The following ATXN7L1 variants were observed in gnomAD, a reference collection of about 807,000 sequenced individuals.
The protein encoded by ATXN7L1 is ataxin-7-like protein 1.
ATXN7L1 carries 15 observed loss-of-function variants against 70.8 expected under a neutral mutation model. The ratio of observed to expected loss-of-function variants is 0.21; its 90% CI spans 0.14 to 0.33. ATXN7L1 has a LOEUF of 0.33. Among genes scored for constraint, ATXN7L1 ranks in the 10% least tolerant of loss-of-function variants. ATXN7L1 has a pLI of 1.00. For synonymous variants in ATXN7L1, 440 were observed against 445.1 expected (o/e 0.99, Z 0.14); for missense variants, 975 against 1,097.1 (o/e 0.89, Z 1.57).
intron 2 of ATXN7L1, among the ~76,000 whole-genome samples, chr7:105,792,904 C>A (rs969485108): frequency 3.3e-5 from 5 of 152,124 alleles, no homozygotes; most frequent in African/African-American, 1.2e-4. Context: ...TAATATATAT[C>A]TCTCCAGATT....
chr7:105,776,061 C>T (rs558058682), intron 3 of ATXN7L1, among the ~76,000 whole-genome samples: 3 of 152,090 alleles, frequency 2.0e-5, no homozygotes, highest in Non-Finnish European at 2.9e-5. Flanking sequence ...GGGAGAATTC[C>T]GAGATGACCT....
chr7:105,751,253 A>G (rs1034252709), intron 3 of ATXN7L1, among the ~76,000 whole-genome samples: 1 of 152,048 alleles, frequency 6.6e-6, no homozygotes, highest in South Asian at 2.1e-4. Flanking sequence ...AAAACTCTCA[A>G]TGGAGTTATG....
intron 2 of ATXN7L1, among the ~76,000 whole-genome samples, chr7:105,832,658 C>A (rs1811783070): frequency 6.6e-6 from 1 of 152,202 alleles, no homozygotes; most frequent in Admixed American, 6.5e-5. Context: ...GCCTGCCTGA[C>A]TTCTCCACGG....
chr7:105,724,320 T>C (rs1193141659), intron 3 of ATXN7L1, among the ~76,000 whole-genome samples: 1 of 152,134 alleles, frequency 6.6e-6, no homozygotes, highest in African/African-American at 2.4e-5. Flanking sequence ...ACACCTGTAA[T>C]CCTAGCACTT....
At chr7:105,615,052 T>A (rs2115743312) in intron 9 of ATXN7L1, among the ~76,000 whole-genome samples, 1 of 152,202 alleles carries the variant, frequency 6.6e-6, no homozygotes, top group South Asian at 2.1e-4. Context: ...GATCCTTTTC[T>A]CCAGGCTTGG....
chr7:105,714,370 G>C (rs938880357), intron 3 of ATXN7L1, among the ~76,000 whole-genome samples: 1 of 152,190 alleles, frequency 6.6e-6, no homozygotes, highest in African/African-American at 2.4e-5. Flanking sequence ...TCAGGGGTGG[G>C]TCCAGGAATC....
intron 3 of ATXN7L1, among the ~76,000 whole-genome samples, chr7:105,688,214 T>C (rs1392944721): frequency 1.3e-5 from 2 of 152,114 alleles, no homozygotes; most frequent in African/African-American, 4.8e-5. Context: ...TACCCTACCC[T>C]GATATCAATT....
intron 6 of ATXN7L1, among the ~76,000 whole-genome samples, chr7:105,639,201 C>T (rs1206458610): frequency 6.6e-6 from 1 of 151,992 alleles, no homozygotes; most frequent in Admixed American, 6.6e-5. Flanking sequence ...ACGTAGCAGG[C>T]TTTAGAACCG....
At chr7:105,851,941 T>C (rs1814946905) in intron 2 of ATXN7L1, among the ~76,000 whole-genome samples, 1 of 152,232 alleles carries the variant, frequency 6.6e-6, no homozygotes, top group African/African-American at 2.4e-5. Context: ...AATAATTTTA[T>C]GAAGGATCAA....
At chr7:105,830,737 C>T (rs1258868373) in intron 2 of ATXN7L1, among the ~76,000 whole-genome samples, 2 of 152,226 alleles carry the variant, frequency 1.3e-5, no homozygotes, top group Non-Finnish European at 2.9e-5. Context: ...ACTTCTGTGC[C>T]AGGAAAGGGA....
At chr7:105,776,067 G>A (rs777250176) in intron 3 of ATXN7L1, among the ~76,000 whole-genome samples, 1 of 152,134 alleles carries the variant, frequency 6.6e-6, no homozygotes, top group Non-Finnish European at 1.5e-5. Context: ...ATTCCGAGAT[G>A]ACCTTTTGAA....
chr7:105,790,873 T>C (rs776935642), intron 2 of ATXN7L1, among the ~76,000 whole-genome samples: 5 of 152,082 alleles, frequency 3.3e-5, no homozygotes, highest in African/African-American at 4.8e-5. Flanking sequence ...GATACAGGAA[T>C]TAAACCTCCT....
At chr7:105,608,881 C>T (rs1445168077) in intron 11 of ATXN7L1, among the ~76,000 whole-genome samples, 1 of 152,160 alleles carries the variant, frequency 6.6e-6, no homozygotes, top group Non-Finnish European at 1.5e-5. Context: ...AACATAACAA[C>T]ACGGTTATAT....
At chr7:105,703,590 T>A (rs1422495446) in intron 3 of ATXN7L1, among the ~76,000 whole-genome samples, 1 of 152,180 alleles carries the variant, frequency 6.6e-6, no homozygotes, top group African/African-American at 2.4e-5. Flanking sequence ...CTGGTGCAAT[T>A]AACGGTATTC....
chr7:105,703,004 C>T lies in ATXN7L1; in HGVS notation c.356-37716G>A, dbSNP rs367883874. On this transcript the variant is annotated intron_variant, in intron 3 of 11. Transcript: ENST00000419735. ...GGCGGCGTGCGCCTGTAGTCCCAGC[C>T]ACTTGGGAGGCTGAGGCAGGAGAAT... Among the ~76,000 whole-genome samples, 229 of 152,226 alleles carry T rather than the reference C, an allele frequency of 1.5e-3. 3 individuals carry two copies. Among genetic ancestry groups the T allele is most frequent in the African/African-American group, 5.3e-3 (219 of 41,512 alleles).
At chr7:105,721,418 C>T (rs555710421) in intron 3 of ATXN7L1, among the ~76,000 whole-genome samples, 3 of 152,316 alleles carry the variant, frequency 2.0e-5, no homozygotes, top group Non-Finnish European at 4.4e-5. Context: ...TTCAGCACAG[C>T]GGCCTTGGAG....
chr7:105,748,324 A>G (rs986215243), intron 3 of ATXN7L1, among the ~76,000 whole-genome samples: 8 of 152,188 alleles, frequency 5.3e-5, no homozygotes, highest in African/African-American at 1.7e-4. Flanking sequence ...TGTCTAGGAG[A>G]GTGGTCCAGC....
chr7:105,665,385 A>T (rs1802459705), intron 3 of ATXN7L1, 97 bp from the exon 4 acceptor site: 2 of 1,012,498 alleles, frequency 2.0e-6, no homozygotes, highest in African/African-American at 3.2e-5. Flanking sequence ...GGCGGAGAGA[A>T]GCGCTTTCCC....
intron 3 of ATXN7L1, among the ~76,000 whole-genome samples, chr7:105,779,518 G>C (rs190518368): frequency 1.6e-4 from 25 of 152,256 alleles, no homozygotes; most frequent in African/African-American, 5.3e-4. Context: ...TGATTTATGG[G>C]ATAATCCTTC....
Sources: gnomAD v4.1 joint callset for allele counts (sites outside exome capture counted in the v4.1 genomes callset) on GRCh38, gnomAD v4.1.1 for gene constraint, MANE v1.5 for transcripts, NCBI Gene and HGNC (gene_info 2026-07-23, HGNC 2026-07-21) for gene names.